The following TLN1 variants were observed in gnomAD, a reference collection of about 807,000 sequenced individuals.
TLN1 encodes talin 1.
A neutral mutation model predicts 292.3 loss-of-function variants in TLN1; 56 were observed. The ratio of observed to expected loss-of-function variants is 0.19; its 90% CI spans 0.15 to 0.24. The LOEUF (loss-of-function observed/expected upper bound fraction) is 0.24, where lower values mean the gene tolerates loss of function less well. Ranked by LOEUF, TLN1 falls within the 10% of genes least tolerant of loss-of-function variation. TLN1 has a pLI of 1.00. For missense variants in TLN1, 2,433 were observed against 3,248.2 expected (o/e 0.75, Z 6.10); for synonymous variants, 1,119 against 1,253.7 (o/e 0.89, Z 2.27).
intron 46 of TLN1, 45 bp downstream of exon 46, chr9:35,703,946 G>A (rs775309518): frequency 1.1e-5 from 18 of 1,613,038 alleles, no homozygotes; most frequent in Non-Finnish European, 1.5e-5. Context: ...GAAGAAGCGG[G>A]ACAGGAAGTG....
intron 1 of TLN1, among the ~76,000 whole-genome samples, chr9:35,727,357 A>G (rs943571550): frequency 2.0e-5 from 3 of 152,144 alleles, no homozygotes; most frequent in Admixed American, 6.5e-5. Context: ...GTTAGGAGAG[A>G]TGGGATGAGG....
rs763356874 is a variant in TLN1, at chr9:35,707,266, G to A, written c.4774-13C>T. On this transcript the variant is annotated splice_polypyrimidine_tract_variant and intron_variant, in intron 36 of 56. Transcript: ENST00000314888. The surrounding 1 kb of genome is among the most constrained non-coding windows in gnomAD (Gnocchi z 5.6). ...TGGCAGCCCGACCCTGGGGAGAGGG[G>A]AGGCAGGAAGGTAAGTCTCAGGAGT... is the stretch of plus-strand genomic sequence containing the variant. The A allele has an allele frequency of 6.2e-7, 1 of 1,603,482 alleles. No homozygotes were observed. The highest frequency in any genetic ancestry group is 1.1e-5 in the South Asian group (1 of 90,562).
Position 35,711,291 on chromosome 9 carries a change from G to A in TLN1, c.3983C>T (p.Ala1328Val). The part of the protein sequence containing the change: ...AAKALSTDPA[A>V]PNLKSQLAAA... ...AGCCAGCTGACTCTTGAGGTTAGGG[G>A]CAGCAGGGTCCGTGGACAGGGCCTT... The change falls in exon 30 of 57, where the codon GCC becomes GTC. Residue 1328 changes from alanine to valine, a missense_variant. Transcript: ENST00000314888. 6.2e-7 allele frequency: 1 copy of A among 1,614,174 alleles called. No homozygotes were observed. Among genetic ancestry groups the A allele is most frequent in the Non-Finnish European group, 8.5e-7 (1 of 1,180,034 alleles).
In TLN1 at chr9:35,719,777, T is replaced by G; in HGVS notation, c.1541A>C (p.Asp514Ala). Residue 514 changes from aspartate (D) to alanine (A), a missense_variant, in exon 14 of 57, where the codon GAT becomes GCT. Physicochemically the swap from Asp to Ala is moderately radical, Grantham distance 126 (BLOSUM62 -2). Transcript: ENST00000314888. The surrounding 1 kb of genome is among the most constrained non-coding windows in gnomAD (Gnocchi z 4.6). ...AAGAGGCGGCAGAGTGTCAAAGTCA[T>G]CCAGGGTGGCCTGGGCAGCCTGCAC... ...QAVQAAQATL[D>A]DFDTLPPLGQ... 1 of 1,607,990 alleles carries G rather than the reference T, an allele frequency of 6.2e-7. No individual in the cohort carries two copies. The highest frequency in any genetic ancestry group is 8.5e-7 in the Non-Finnish European group (1 of 1,177,102).
chr9:35,705,413 A>T, intron 43 of TLN1, 138 bp downstream of exon 43: 1 of 851,028 alleles, frequency 1.2e-6, no homozygotes, highest in Non-Finnish European at 1.8e-6. Flanking sequence ...CCAGAGCCTC[A>T]CTAGTCTTCA....
In TLN1 at chr9:35,698,800, GC is replaced by G; in HGVS notation, c.7125+7del. The G allele has an allele frequency of 6.2e-7, 1 of 1,613,906 alleles. No homozygotes were observed. Among genetic ancestry groups the G allele is most frequent in the Non-Finnish European group, 8.5e-7 (1 of 1,179,836 alleles). ...TGTCCCCATTCTTCTGGGTATTTAA[GC>G]ACTCACCTTCCCTTGGGCCACTAGT... On this transcript the variant is annotated splice_region_variant and intron_variant, in intron 53 of 56. Coordinates refer to ENST00000314888, the MANE Select transcript of TLN1 (RefSeq NM_006289.4). The surrounding 1 kb of genome is among the most constrained non-coding windows in gnomAD (Gnocchi z 5.3).
Position 35,714,472 on chromosome 9 carries a change from G to C in TLN1, c.2986-99C>G. 1.3e-6 allele frequency: 2 copies of C among 1,576,892 alleles called. No individual in the cohort carries two copies. The highest frequency in any genetic ancestry group is 1.7e-6 in the Non-Finnish European group (2 of 1,164,536). ...CAGGATGTAGGGAACACTGGGGCTT[G>C]GTATTGGGAAAGAGGCTCTTGGCAG... On this transcript the variant is annotated intron_variant, in intron 23 of 56. Coordinates refer to ENST00000314888, the MANE Select transcript of TLN1 (RefSeq NM_006289.4). The surrounding 1 kb of genome is among the most constrained non-coding windows in gnomAD (Gnocchi z 4.6).
At chr9:35,723,099 A>C in intron 7 of TLN1, 178 bp from the exon 8 acceptor site, 1 of 527,808 alleles carries the variant, frequency 1.9e-6, no homozygotes, top group Non-Finnish European at 3.3e-6. Context: ...ACTTCGTGTA[A>C]ACTCTTCTTT....
rs1185743872 is a variant in TLN1 at position 35,720,548 on chromosome 9, A to C, written c.1207-39T>G. 4 of 1,597,442 alleles carry C rather than the reference A, an allele frequency of 2.5e-6. No individual in the cohort carries two copies. In the South Asian group the frequency reaches 4.4e-5, roughly 18 times the overall value. On this transcript the variant is annotated intron_variant, in intron 11 of 56. Coordinates refer to ENST00000314888, the MANE Select transcript of TLN1 (RefSeq NM_006289.4). ...AAAGGAACAAGAGTTGGGATAGTTA[A>C]AGAAGAGGGAAGTGGAGAAAAGGCA... is the stretch of plus-strand genomic sequence containing the variant.
chr9:35,701,568 C>T (rs1372261594), intron 48 of TLN1, among the ~76,000 whole-genome samples: 2 of 152,214 alleles, frequency 1.3e-5, no homozygotes, highest in East Asian at 1.9e-4. Context: ...CCAGCATGTC[C>T]AGACTCTAAT....
chr9:35,728,928 G>A (rs1401998158), intron 1 of TLN1, among the ~76,000 whole-genome samples: 3 of 152,150 alleles, frequency 2.0e-5, no homozygotes, highest in Non-Finnish European at 4.4e-5. Context: ...GGCAGGATGT[G>A]GTAAGAGCCA....
At chr9:35,726,891 C>T (rs967722711) in intron 1 of TLN1, among the ~76,000 whole-genome samples, 9 of 152,210 alleles carry the variant, frequency 5.9e-5, no homozygotes, top group African/African-American at 2.2e-4. Flanking sequence ...CTTGCTTGTT[C>T]CAAGTCATCA....
intron 27 of TLN1, 121 bp from the exon 28 acceptor site, chr9:35,712,245 G>C (rs114636487): frequency 1.5e-6 from 2 of 1,336,374 alleles, no homozygotes; most frequent in Admixed American, 2.7e-5. Context: ...GAAAGGGGGC[G>C]TTGTAGGTGA....
At position 35,697,932 on chromosome 9, in the gene TLN1, G is replaced by C. The variant is rs115553643; in HGVS notation, c.7501-16C>G. 5.5e-5 allele frequency: 88 copies of C among 1,613,890 alleles called. 1 individual carries two copies. The African/African-American group carries it at 9.2e-4, about 17-fold the overall frequency. On this transcript the variant is annotated splice_polypyrimidine_tract_variant and intron_variant, in intron 56 of 56. Transcript: ENST00000314888. The stretch of plus-strand genomic sequence containing the variant: ...CTGCGATGATCTGAGGGTGGAGATC[G>C]GGGACTTAGTTCAGTGAGGATGCAC...
chr9:35,716,607 C>T, intron 19 of TLN1, 51 bp from the exon 20 acceptor site: 1 of 1,593,160 alleles, frequency 6.3e-7, no homozygotes, highest in Non-Finnish European at 8.6e-7. Flanking sequence ...ACTGAGGTGT[C>T]AGGGGTGGGG....
At chr9:35,700,938 GT>G (rs1244270838) in intron 48 of TLN1, among the ~76,000 whole-genome samples, 2 of 152,178 alleles carry the variant, frequency 1.3e-5, no homozygotes, top group African/African-American at 4.8e-5. Context: ...TTACATTCTG[GT>G]TTTGGACACA....
Position 35,704,588 on chromosome 9 carries a change from G to T in TLN1, c.5880+81C>A. 5 of 1,593,522 alleles carry T rather than the reference G, an allele frequency of 3.1e-6. No individual in the cohort carries two copies. The highest frequency in any genetic ancestry group is 4.3e-6 in the Non-Finnish European group (5 of 1,168,518). ...CCTGGGAGAAGTGACAACAGGAGAG[G>T]GCTGAGAGGGCTGGAGGAGGATGGC... On this transcript the variant is annotated intron_variant, in intron 44 of 56. Coordinates refer to ENST00000314888, the MANE Select transcript of TLN1 (RefSeq NM_006289.4). This position sits in a 1 kb window ranked among gnomAD's most constrained non-coding sequence, Gnocchi z 6.9.
Position 35,722,856 on chromosome 9 carries a change from T to A in TLN1, c.843+5A>T. 2 of 1,613,754 alleles carry A rather than the reference T, an allele frequency of 1.2e-6. No individual in the cohort carries two copies. The highest frequency in any genetic ancestry group is 1.7e-6 in the Non-Finnish European group (2 of 1,179,730). ...TCCCAAATACTTTCCCCTACCCACATTCACCTGGAAGATCTTACGCTCTCC... is the reference window on the plus strand; with the variant it reads ...TCCCAAATACTTTCCCCTACCCACAATCACCTGGAAGATCTTACGCTCTCC... On this transcript the variant is annotated splice_donor_5th_base_variant and intron_variant, in intron 8 of 56. Coordinates refer to ENST00000314888, the MANE Select transcript of TLN1 (RefSeq NM_006289.4).
At chr9:35,703,504 G>T in intron 48 of TLN1, 56 bp downstream of exon 48, 1 of 1,489,854 alleles carries the variant, frequency 6.7e-7, no homozygotes, top group Non-Finnish European at 9.4e-7. Flanking sequence ...AGGTTCACAG[G>T]CTTTCAGGAT....
Sources: allele counts gnomAD v4.1 joint callset (sites outside exome capture counted in the v4.1 genomes callset), GRCh38; gene constraint gnomAD v4.1.1; non-coding constraint Gnocchi (gnomAD v3.1); transcripts MANE v1.5; gene names NCBI Gene and HGNC (gene_info 2026-07-23, HGNC 2026-07-21).